The following MROH7 variants were observed in gnomAD, a reference collection of about 807,000 sequenced individuals.
The protein encoded by MROH7 is maestro heat like repeat family member 7, also known as maestro heat-like repeat-containing protein family member 7.
MROH7 carries 113 observed loss-of-function variants against 129.2 expected under a neutral mutation model. The ratio of observed to expected loss-of-function variants is 0.87; its 90% CI spans 0.75 to 1.02. The LOEUF (loss-of-function observed/expected upper bound fraction) is 1.02, where lower values mean the gene tolerates loss of function less well. Ranked by LOEUF, MROH7 falls within the 50% of genes least tolerant of loss-of-function variation. The pLI, the probability that MROH7 is intolerant of heterozygous loss-of-function variation, is 0.00. For synonymous variants in MROH7, 655 were observed against 667.9 expected (o/e 0.98, Z 0.30); for missense variants, 1,601 against 1,671.3 (o/e 0.96, Z 0.73).
In MROH7 at chr1:54,694,473, C is replaced by T. The variant is rs188475202; in HGVS notation, c.2850-903C>T. 2.1e-3 allele frequency among the ~76,000 whole-genome samples: 312 copies of T among 152,148 alleles called. 1 individual carries two copies. Among genetic ancestry groups the T allele is most frequent in the Middle Eastern group, 0.017 (5 of 294 alleles). On this transcript the variant is annotated intron_variant, in intron 16 of 23. Transcript: ENST00000421030. Reference sequence around the variant, plus strand: ...CCTGCTTAGTAGGTCTGGGATGGTGCACTTCTTTTTTGAGATGGAGTCTCA... The same window carrying T: ...CCTGCTTAGTAGGTCTGGGATGGTGTACTTCTTTTTTGAGATGGAGTCTCA...
At position 54,653,871 on chromosome 1, in the gene MROH7, T is replaced by A. The variant is rs1265684904; in HGVS notation, c.945T>A (p.His315Gln). The A allele has an allele frequency of 3.7e-6, 6 of 1,613,904 alleles. No homozygotes were observed. The highest frequency in any genetic ancestry group is 4.2e-6 in the Non-Finnish European group (5 of 1,179,944). Reference sequence around the variant, plus strand: ...GTATCAGCCTGCACTCCAGCACCCATGAGCCCAACTCCACCATCTCTCCAC... The same window carrying A: ...GTATCAGCCTGCACTCCAGCACCCAAGAGCCCAACTCCACCATCTCTCCAC... ...SYGISLHSST[H>Q]EPNSTISPPS... Residue 315 changes from histidine (H) to glutamine (Q), a missense_variant, in exon 3 of 24, where the codon CAT (histidine) becomes CAA (glutamine). Transcript: ENST00000421030.
intron 1 of MROH7, chr1:54,651,378 G>T (rs1216105656): frequency 6.6e-6 from 1 of 152,240 alleles, no homozygotes; most frequent in Non-Finnish European, 1.5e-5. Flanking sequence ...CACCTGTCTA[G>T]GGGACCTGGA....
intron 3 of MROH7, among the ~76,000 whole-genome samples, chr1:54,659,450 T>G (rs1402934272): frequency 2.0e-5 from 3 of 149,204 alleles, no homozygotes; most frequent in Non-Finnish European, 3.0e-5. Flanking sequence ...TTCTGGCTAA[T>G]TTTTGTATTT....
At chr1:54,697,627 A>G (rs1204023750) in intron 17 of MROH7, 3 of 701,518 alleles carry the variant, frequency 4.3e-6, no homozygotes, top group Non-Finnish European at 7.8e-6. Flanking sequence ...GACCTCTTTC[A>G]AATGTTATTT....
At chr1:54,707,080 C>A (rs1645546081) in intron 22 of MROH7, among the ~76,000 whole-genome samples, 1 of 152,158 alleles carries the variant, frequency 6.6e-6, no homozygotes, top group Admixed American at 6.5e-5. Context: ...TGTTAGCAGT[C>A]TTCATTCTTC....
chr1:54,696,398 G>A (rs1206953534), intron 17 of MROH7, among the ~76,000 whole-genome samples: 4 of 152,080 alleles, frequency 2.6e-5, no homozygotes, highest in Non-Finnish European at 5.9e-5. Flanking sequence ...ATATTGTTAT[G>A]CAACCATCAC....
At position 54,686,242 on chromosome 1, in the gene MROH7, C is replaced by G; in HGVS notation, c.2521-16C>G. ...ATGGGCCACGACATCCCAGCAGCCT[C>G]CCCTCTGCCCCATAGGCAGCCAGCG... On this transcript the variant is annotated splice_polypyrimidine_tract_variant and intron_variant, in intron 14 of 23. Coordinates refer to ENST00000421030, the MANE Select transcript of MROH7 (RefSeq NM_001039464.4). 1 of 1,600,228 alleles carries G rather than the reference C, an allele frequency of 6.2e-7. No homozygotes were observed. Among genetic ancestry groups the G allele is most frequent in the Non-Finnish European group, 8.5e-7 (1 of 1,171,776 alleles).
chr1:54,653,259 T>G lies in MROH7; in HGVS notation c.333T>G (p.Asp111Glu), dbSNP rs756094958. ...AAGCCCTGGACCTGGATTCCAAGGATGTCTCAAGGCCTGACTCACAGGGGC... is the reference window on the plus strand; with the variant it reads ...AAGCCCTGGACCTGGATTCCAAGGAGGTCTCAAGGCCTGACTCACAGGGGC... ...SGEALDLDSK[D>E]VSRPDSQGRL... The change falls in exon 3 of 24, where the codon GAT (aspartate) becomes GAG (glutamate). Residue 111 changes from aspartate to glutamate, a missense_variant. Transcript: ENST00000421030. 4.3e-6 allele frequency: 7 copies of G among 1,614,156 alleles called. No individual in the cohort carries two copies. The East Asian group carries it at 1.6e-4, about 36-fold the overall frequency.
chr1:54,687,124 A>G (rs553885150), intron 15 of MROH7, among the ~76,000 whole-genome samples: 1 of 151,956 alleles, frequency 6.6e-6, no homozygotes, highest in South Asian at 2.1e-4. Context: ...CCCAGGCTGG[A>G]GTGCAGTGGC....
At chr1:54,698,543 A>G (rs72907961) in intron 17 of MROH7, 2,320 of 153,334 alleles carry the variant, frequency 0.015, 53 homozygotes, top group African/African-American at 0.054. Context: ...TCCTCCCACA[A>G]TACAGACACA....
At chr1:54,645,373 A>G (rs1441621991) in intron 1 of MROH7, among the ~76,000 whole-genome samples, 1 of 151,924 alleles carries the variant, frequency 6.6e-6, no homozygotes, top group East Asian at 1.9e-4. Context: ...TCCACCTCCC[A>G]GGTTCAAGTG....
At chr1:54,665,631 C>T (rs1055606604) in intron 4 of MROH7, 1 of 166,152 alleles carries the variant, frequency 6.0e-6, no homozygotes, top group African/African-American at 2.4e-5. Flanking sequence ...CAACCCAGGT[C>T]TGGGCCATGT....
At chr1:54,707,790 C>CT (rs1396897408) in intron 22 of MROH7, among the ~76,000 whole-genome samples, 4 of 152,148 alleles carry the variant, frequency 2.6e-5, no homozygotes, top group South Asian at 2.1e-4. Flanking sequence ...TGGGTTATGG[C>CT]TTTTTTGTGA....
At chr1:54,692,202 C>T (rs906536484) in intron 15 of MROH7, among the ~76,000 whole-genome samples, 1 of 152,198 alleles carries the variant, frequency 6.6e-6, no homozygotes, top group African/African-American at 2.4e-5. Flanking sequence ...GGTAAAAGCA[C>T]AGCCTTCATA....
At position 54,666,425 on chromosome 1, in the gene MROH7, A is replaced by AT. The variant is rs71048704; in HGVS notation, c.1305+1212dup. Among the ~76,000 whole-genome samples the AT allele has an allele frequency of 1.9e-3, 134 of 69,220 alleles. 5 individuals carry two copies. Among genetic ancestry groups the AT allele is most frequent in the African/African-American group, 5.6e-3 (112 of 20,042 alleles). 45.4% of individuals were successfully genotyped at this position (69,220 alleles called of 152,430 possible). ...GGTTATAGGAGGCGGGAGAAGAGGA[A>AT]TTTTTTTTTTTTTTTTTTTTTTTTT... On this transcript the variant is annotated intron_variant, in intron 4 of 23. Transcript: ENST00000421030.
chr1:54,688,699 C>T (rs17110943), intron 15 of MROH7, among the ~76,000 whole-genome samples: 25,362 of 152,180 alleles, frequency 0.17, 2,328 homozygotes, highest in East Asian at 0.28. Flanking sequence ...ACCATTTGCC[C>T]GCAGTGCGGC....
At chr1:54,678,951 C>T (rs756011266) in intron 11 of MROH7, 97 bp downstream of exon 11, 12 of 999,694 alleles carry the variant, frequency 1.2e-5, no homozygotes, top group African/African-American at 8.0e-5. Context: ...GCTTTCCAGG[C>T]TTTGCAGGAC....
chr1:54,683,102 C>T (rs946732708), intron 14 of MROH7, among the ~76,000 whole-genome samples: 5 of 150,544 alleles, frequency 3.3e-5, no homozygotes, highest in African/African-American at 1.0e-4. Flanking sequence ...CTTTGGGAGG[C>T]GGAGGCAGAG....
At chr1:54,673,863 G>A in intron 9 of MROH7, 58 bp downstream of exon 9, 1 of 1,544,254 alleles carries the variant, frequency 6.5e-7, no homozygotes, top group East Asian at 2.2e-5. Context: ...ACTTCTGAAG[G>A]AGCCCGTACC....
Sources: gnomAD v4.1 joint callset for allele counts (sites outside exome capture counted in the v4.1 genomes callset) on GRCh38, gnomAD v4.1.1 for gene constraint, MANE v1.5 for transcripts, NCBI Gene and HGNC (gene_info 2026-07-23, HGNC 2026-07-21) for gene names.